Variants in QSER1 observed in about 807,000 individuals in gnomAD.
QSER1 encodes glutamine and serine-rich protein 1.
Under a neutral mutation model 158.5 loss-of-function variants are expected in QSER1, and 49 were observed. The ratio of observed to expected loss-of-function variants is 0.31; its 90% CI spans 0.25 to 0.39. The LOEUF is 0.39. QSER1 is among the 10% of genes least tolerant of loss of function. The pLI is 1.00. For synonymous variants in QSER1, 650 were observed against 715.5 expected (o/e 0.91, Z 1.46); for missense variants, 1,754 against 2,010.3 (o/e 0.87, Z 2.44).
chr11:32,958,901 T>C (rs919474937), intron 8 of QSER1, among the ~76,000 whole-genome samples: 2 of 152,172 alleles, frequency 1.3e-5, no homozygotes, highest in African/African-American at 4.8e-5. Flanking sequence ...AATGTAAAGG[T>C]TGAAATAATT....
intron 4 of QSER1, among the ~76,000 whole-genome samples, chr11:32,941,893 G>C (rs1050036436): frequency 4.0e-5 from 6 of 151,632 alleles, no homozygotes; most frequent in Non-Finnish European, 8.8e-5. Context: ...TCCAGCACCT[G>C]TTGTTTCCTG....
chr11:32,925,628 A>G (rs748460914), intron 1 of QSER1, among the ~76,000 whole-genome samples: 4 of 151,836 alleles, frequency 2.6e-5, no homozygotes, highest in Admixed American at 6.6e-5. Flanking sequence ...CCTGGGTTCA[A>G]GTGATTCTCG....
chr11:32,964,735 T>TACACAC (rs1176079108), intron 8 of QSER1, among the ~76,000 whole-genome samples: 5 of 116,656 alleles, frequency 4.3e-5, no homozygotes, highest in Admixed American at 8.8e-5. Context: ...TATATATATA[T>TACACAC]ATATACACAC....
chr11:32,932,159 A>T lies in QSER1; in HGVS notation c.901A>T (p.Thr301Ser), dbSNP rs1852057911. Residue 301 changes from threonine (T) to serine (S), a missense_variant, in exon 4 of 13, where the codon ACT (threonine) becomes TCT (serine). Physicochemically the swap from Thr to Ser is moderately conservative, Grantham distance 58. Around this residue, in one of 2 missense-constraint regions of QSER1, gnomAD observed 1,707 missense variants for 1,919.6 expected, o/e 0.89. Coordinates refer to ENST00000650167, the MANE Select transcript of QSER1 (RefSeq NM_001076786.3). ...TPQAYSSTLFTSSTASIERAL... is the reference protein window; with the variant it reads ...TPQAYSSTLFSSSTASIERAL... ...TCAAGCCTACAGTTCAACTCTCTTTACTAGTTCTACTGCTTCCATTGAAAG... is the reference window on the plus strand; with the variant it reads ...TCAAGCCTACAGTTCAACTCTCTTTTCTAGTTCTACTGCTTCCATTGAAAG... 1 of 1,614,100 alleles carries T rather than the reference A, an allele frequency of 6.2e-7. No individual in the cohort carries two copies. The highest frequency in any genetic ancestry group is 1.3e-5 in the African/African-American group (1 of 75,028).
intron 4 of QSER1, among the ~76,000 whole-genome samples, chr11:32,936,310 GT>G (rs1340091219): frequency 6.6e-6 from 1 of 151,674 alleles, no homozygotes; most frequent in Non-Finnish European, 1.5e-5. Context: ...CCTTGCAATA[GT>G]TTGCTGAGAA....
rs1432243370 is a variant in QSER1, at chr11:32,980,241, A to T, written c.*3767A>T. 1 of 152,678 alleles carries T rather than the reference A, an allele frequency of 6.5e-6. No homozygotes were observed. The highest frequency in any genetic ancestry group is 1.5e-5 in the Non-Finnish European group (1 of 68,058). The allele number at this position is 152,678 out of a possible 1,614,324, so 9.5% of individuals were successfully genotyped here. ...TGTTTGTTACTAACTCAGATCATTA[A>T]AATGAAAACAATTTTTTTAAACAAG... On this transcript the variant is annotated 3_prime_UTR_variant, in exon 13 of 13. Coordinates refer to ENST00000650167, the MANE Select transcript of QSER1 (RefSeq NM_001076786.3).
chr11:32,901,167 C>T (rs776449458), intron 1 of QSER1, among the ~76,000 whole-genome samples: 3 of 152,072 alleles, frequency 2.0e-5, no homozygotes, highest in Non-Finnish European at 4.4e-5. Context: ...CCTCAGTTTC[C>T]TTATGTAAAA....
In QSER1 at chr11:32,937,384, A is replaced by C. The variant is rs1364014035; in HGVS notation, c.4177+1949A>C. On this transcript the variant is annotated intron_variant, in intron 4 of 12. Coordinates refer to ENST00000650167, the MANE Select transcript of QSER1 (RefSeq NM_001076786.3). ...ATTGAAACCTCAAACTCCTGGGCCC[A>C]GGCAATCTTCCTTCCTCAGCCTCCT... is the stretch of plus-strand genomic sequence containing the variant. Among the ~76,000 whole-genome samples the C allele has an allele frequency of 7.2e-5, 11 of 152,240 alleles. No individual in the cohort carries two copies. In the South Asian group the frequency reaches 1.9e-3, roughly 26 times the overall value.
rs1410402895 is a variant in QSER1 at position 32,956,139 on chromosome 11, T to C, written c.4751+18T>C. The C allele has an allele frequency of 3.1e-6, 5 of 1,596,362 alleles. No individual in the cohort carries two copies. In the South Asian group the frequency reaches 5.5e-5, roughly 18 times the overall value. On this transcript the variant is annotated intron_variant, in intron 7 of 12. Coordinates refer to ENST00000650167, the MANE Select transcript of QSER1 (RefSeq NM_001076786.3). The stretch of plus-strand genomic sequence containing the variant: ...ACTATCAGGTATTTGTTTTCTTAGG[T>C]GATATATTTGTGCATATATATAGGT...
At chr11:32,947,048 T>C (rs1415608408) in intron 4 of QSER1, among the ~76,000 whole-genome samples, 1 of 152,268 alleles carries the variant, frequency 6.6e-6, no homozygotes, top group African/African-American at 2.4e-5. Flanking sequence ...CCTGACCCCT[T>C]GCGCTTCCCG....
Position 32,934,011 on chromosome 11 carries a change from A to G in QSER1, c.2753A>G (p.Gln918Arg), listed in dbSNP as rs779784010. 3.7e-6 allele frequency: 6 copies of G among 1,613,548 alleles called. No individual in the cohort carries two copies. The African/African-American group carries it at 6.7e-5, about 18-fold the overall frequency. Residue 918 changes from glutamine to arginine, a missense_variant, in exon 4 of 13, where the codon CAA becomes CGA. By Grantham distance (43) the Gln-to-Arg change is conservative. Coordinates refer to ENST00000650167, the MANE Select transcript of QSER1 (RefSeq NM_001076786.3). ...CATTCTCAGCAGCAACTCCATCCTC[A>G]AAATTCTGAAGTTATGAAAATGGAC... ...GDHSQQQLHP[Q>R]NSEVMKMDLS...
chr11:32,934,061 C>A lies in QSER1; in HGVS notation c.2803C>A (p.Gln935Lys). Residue 935 changes from glutamine (Q) to lysine (K), a missense_variant, in exon 4 of 13, where the codon CAA (glutamine) becomes AAA (lysine). Physicochemically the swap from Gln to Lys is moderately conservative, Grantham distance 53 (BLOSUM62 1). Around this residue, in one of 2 missense-constraint regions of QSER1, gnomAD observed 1,707 missense variants for 1,919.6 expected, o/e 0.89. Transcript: ENST00000650167. ...CCTCTCTGAGTCTTCAAAACCATTACAACAACATCTAACAACAAAGGGCCA... is the reference window on the plus strand; with the variant it reads ...CCTCTCTGAGTCTTCAAAACCATTAAAACAACATCTAACAACAAAGGGCCA... ...MDLSESSKPL[Q>K]QHLTTKGHFS... 1 of 1,613,858 alleles carries A rather than the reference C, an allele frequency of 6.2e-7. No individual in the cohort carries two copies. Among genetic ancestry groups the A allele is most frequent in the South Asian group, 1.1e-5 (1 of 91,038 alleles).
intron 8 of QSER1, among the ~76,000 whole-genome samples, chr11:32,959,846 C>T (rs145015445): frequency 0.019 from 2,965 of 152,100 alleles, 46 homozygotes; most frequent in South Asian, 0.038. Flanking sequence ...ACTGTAGCCT[C>T]GACCTCCCAG....
At chr11:32,973,776 T>TGG (rs1398810534) in intron 11 of QSER1, among the ~76,000 whole-genome samples, 1 of 152,188 alleles carries the variant, frequency 6.6e-6, no homozygotes, top group Non-Finnish European at 1.5e-5. Context: ...ATTTCTTAAA[T>TGG]TGACTAATAT....
intron 11 of QSER1, among the ~76,000 whole-genome samples, chr11:32,974,699 G>T (rs1039211713): frequency 1.3e-5 from 2 of 152,168 alleles, no homozygotes; most frequent in African/African-American, 4.8e-5. Flanking sequence ...CTGGTTAAAA[G>T]TCCTTACCCT....
intron 4 of QSER1, among the ~76,000 whole-genome samples, chr11:32,937,799 T>C (rs1852175357): frequency 6.6e-6 from 1 of 152,234 alleles, no homozygotes; most frequent in African/African-American, 2.4e-5. Context: ...TTTTCATTGT[T>C]TCTTGGATGT....
intron 1 of QSER1, among the ~76,000 whole-genome samples, chr11:32,896,593 T>G (rs1045783899): frequency 1.3e-5 from 2 of 152,178 alleles, no homozygotes; most frequent in Non-Finnish European, 1.5e-5. Context: ...TTCACTACAT[T>G]GGCCAGGCTG....
intron 1 of QSER1, among the ~76,000 whole-genome samples, chr11:32,896,620 C>T (rs1001672507): frequency 6.6e-6 from 1 of 152,184 alleles, no homozygotes; most frequent in Non-Finnish European, 1.5e-5. Context: ...AACTCCTGAC[C>T]TCAGGTGATC....
At chr11:32,956,969 T>C (rs1306916904) in intron 7 of QSER1, among the ~76,000 whole-genome samples, 3 of 152,080 alleles carry the variant, frequency 2.0e-5, no homozygotes, top group East Asian at 1.9e-4. Context: ...TTTACCATGT[T>C]GCTCAGGCTG....
Sources: gnomAD v4.1 joint callset for allele counts (sites outside exome capture counted in the v4.1 genomes callset) on GRCh38, gnomAD v4.1.1 for gene constraint, gnomAD v4.1.1 regional missense constraint, MANE v1.5 for transcripts, NCBI Gene and HGNC (gene_info 2026-07-23, HGNC 2026-07-21) for gene names.